IL6ST: variants seen among roughly 807,000 people sequenced by gnomAD.
IL6ST encodes interleukin-6 receptor subunit beta.
In IL6ST, 24 loss-of-function variants were observed where a neutral mutation model predicts 91.3. The ratio of observed to expected loss-of-function variants is 0.26; its 90% CI spans 0.19 to 0.37. The LOEUF (loss-of-function observed/expected upper bound fraction) is 0.37, where lower values mean the gene tolerates loss of function less well. Ranked by LOEUF, IL6ST falls within the 10% of genes least tolerant of loss-of-function variation. The pLI, the probability that IL6ST is intolerant of heterozygous loss-of-function variation, is 1.00. For missense variants in IL6ST, 914 were observed against 1,078.5 expected, an observed-to-expected ratio of 0.85 and a Z score of 2.14; for synonymous variants, 351 against 373.6, an observed-to-expected ratio of 0.94 and a Z score of 0.70.
chr5:55,969,969 A>C, intron 3 of IL6ST, 114 bp from the exon 4 acceptor site: 1 of 621,668 alleles, frequency 1.6e-6, no homozygotes, highest in Non-Finnish European at 2.8e-6. Flanking sequence ...AATATCCCTA[A>C]AGACACAGAA....
At position 55,956,233 on chromosome 5, in the gene IL6ST, T is replaced by C. The variant is rs980840670; in HGVS notation, c.1059A>G (p.Thr353=). Residue 353 remains threonine, a splice_region_variant and synonymous_variant, in exon 10 of 17, where the codon ACA becomes ACG. Transcript: ENST00000381298. ...TTCCATTGGCTTCAAAAGGAGGCAATGTCTGTAATAAAATAGTTTATTTTT... is the reference window on the plus strand; with the variant it reads ...TTCCATTGGCTTCAAAAGGAGGCAACGTCTGTAATAAAATAGTTTATTTTT... ...GYRTVQLVWK[T]LPPFEANGKI... 5 of 1,548,964 alleles carry C rather than the reference T, an allele frequency of 3.2e-6. No individual in the cohort carries two copies. Among genetic ancestry groups the C allele is most frequent in the Admixed American group, 3.4e-5 (2 of 59,696 alleles).
chr5:55,955,945 G>C, intron 10 of IL6ST, 80 bp downstream of exon 10: 1 of 829,714 alleles, frequency 1.2e-6, no homozygotes, highest in East Asian at 2.4e-5. Flanking sequence ...TAGATAACTT[G>C]TGTTTTTTAT....
intron 1 of IL6ST, among the ~76,000 whole-genome samples, chr5:55,986,127 G>A (rs988440405): frequency 3.3e-5 from 5 of 152,172 alleles, no homozygotes; most frequent in Admixed American, 6.5e-5. Context: ...TGGTCATTAC[G>A]TGAATTTGGT....
chr5:55,964,318 T>C lies in IL6ST; in HGVS notation c.492-6A>G, dbSNP rs765082030. 6.3e-6 allele frequency: 10 copies of C among 1,593,584 alleles called. No homozygotes were observed. In the South Asian group the frequency reaches 1.1e-4, roughly 18 times the overall value. On this transcript the variant is annotated splice_polypyrimidine_tract_variant and splice_region_variant and intron_variant, in intron 5 of 16. Coordinates refer to ENST00000381298, the MANE Select transcript of IL6ST (RefSeq NM_002184.4). ...CAGCAAACTTGTGTGTTGCCCTAAA[T>C]ACAAAAAATTGAAGAATCAGTCATT...
rs1225595410 is a variant in IL6ST, at chr5:55,938,255, A to G, written c.*2827T>C. Reference sequence around the variant, plus strand: ...AATTAGGTAGAGAAGAGGTATGAACACAGAACATGTGAATGAAATTTGCTT... The same window carrying G: ...AATTAGGTAGAGAAGAGGTATGAACGCAGAACATGTGAATGAAATTTGCTT... On this transcript the variant is annotated 3_prime_UTR_variant, in exon 17 of 17. Transcript: ENST00000381298. 5.2e-6 allele frequency: 1 copy of G among 193,302 alleles called. No homozygotes were observed. The highest frequency in any genetic ancestry group is 8.1e-5 in the East Asian group (1 of 12,294). 12.0% of individuals were successfully genotyped at this position (193,302 alleles called of 1,614,324 possible). A position where few individuals can be genotyped will look rare whatever the true frequency, so the allele number is the denominator to read the frequency against.
At chr5:55,994,725 T>C (rs1238804592) in intron 1 of IL6ST, 59 bp downstream of exon 1, 2 of 152,260 alleles carry the variant, frequency 1.3e-5, no homozygotes, top group African/African-American at 4.8e-5. Context: ...AGATAGCCCG[T>C]CCGAAACCAC....
rs1750855178 is a variant in IL6ST at position 55,940,803 on chromosome 5, AG to A, written c.*278del. ...CAAAACAAAAAGTTTTATAAATTTC[AG>A]ATAAGCTTTCTGTTTTTCTTCAGTG... On this transcript the variant is annotated 3_prime_UTR_variant, in exon 17 of 17. Transcript: ENST00000381298. The A allele has an allele frequency of 5.4e-6, 2 of 370,282 alleles. No individual in the cohort carries two copies. The highest frequency in any genetic ancestry group is 4.1e-5 in the African/African-American group (2 of 48,430). The allele number at this position is 370,282 out of a possible 1,614,324, so 22.9% of individuals were successfully genotyped here. A position where few individuals can be genotyped will look rare whatever the true frequency, so the allele number is the denominator to read the frequency against.
intron 15 of IL6ST, among the ~76,000 whole-genome samples, chr5:55,945,169 T>C (rs1484647581): frequency 1.3e-5 from 2 of 151,970 alleles, no homozygotes; most frequent in East Asian, 3.9e-4. Flanking sequence ...AAAATGTATA[T>C]GAAAAGGCAA....
At position 55,936,283 on chromosome 5, in the gene IL6ST, C is replaced by G. The variant is rs997728268; in HGVS notation, c.*4799G>C. The G allele has an allele frequency of 3.2e-5, 7 of 221,262 alleles. No homozygotes were observed. The highest frequency in any genetic ancestry group is 6.3e-5 in the Non-Finnish European group (7 of 111,572). 13.7% of individuals were successfully genotyped at this position (221,262 alleles called of 1,614,324 possible). ...ACTCCAGCAGAGTGCAGGGTGGGCACAGACAGGCCACAAGATGGCGCAGCA... is the reference window on the plus strand; with the variant it reads ...ACTCCAGCAGAGTGCAGGGTGGGCAGAGACAGGCCACAAGATGGCGCAGCA... On this transcript the variant is annotated 3_prime_UTR_variant, in exon 17 of 17. Coordinates refer to ENST00000381298, the MANE Select transcript of IL6ST (RefSeq NM_002184.4).
chr5:55,958,136 T>G (rs192438593), intron 8 of IL6ST, among the ~76,000 whole-genome samples: 3 of 152,292 alleles, frequency 2.0e-5, no homozygotes, highest in Admixed American at 6.5e-5. Flanking sequence ...AGACAGTGTC[T>G]CGCTCTGTTG....
Position 55,952,400 on chromosome 5 carries a change from CAAGTT to C in IL6ST, c.1451-54_1451-50del, listed in dbSNP as rs765361427. 14 of 989,384 alleles carry C rather than the reference CAAGTT, an allele frequency of 1.4e-5. No homozygotes were observed. The South Asian group carries it at 2.2e-4, about 15-fold the overall frequency. 61.3% of individuals were successfully genotyped at this position (989,384 alleles called of 1,614,324 possible). On this transcript the variant is annotated intron_variant, in intron 11 of 16. Transcript: ENST00000381298. ...GCATGTTTTTCCATAATGAAAAAGTCAAGTTAATACCGTAATTTATTTTTACATTA... is the reference window on the plus strand; with the variant it reads ...GCATGTTTTTCCATAATGAAAAAGTCAATACCGTAATTTATTTTTACATTA...
chr5:55,967,421 A>G (rs1407785938), intron 5 of IL6ST, among the ~76,000 whole-genome samples: 2 of 151,736 alleles, frequency 1.3e-5, no homozygotes, highest in East Asian at 3.9e-4. Flanking sequence ...AACAAATAGA[A>G]CCTATAATTT....
chr5:55,942,464 A>C (rs1020276031), intron 16 of IL6ST, among the ~76,000 whole-genome samples: 3 of 151,920 alleles, frequency 2.0e-5, no homozygotes, highest in African/African-American at 7.3e-5. Flanking sequence ...TGGTGATAAA[A>C]CCCCTAAAAT....
In IL6ST at chr5:55,936,889, G is replaced by C. The variant is rs1448316636; in HGVS notation, c.*4193C>G. The C allele has an allele frequency of 5.0e-6, 1 of 198,674 alleles. No individual in the cohort carries two copies. Among genetic ancestry groups the C allele is most frequent in the African/African-American group, 2.3e-5 (1 of 43,570 alleles). 12.3% of individuals were successfully genotyped at this position (198,674 alleles called of 1,614,324 possible). ...ATGAAAGGATTGCACTTAGAAGAAAGTGGGACATAGCTAGGATATAAAAGA... is the reference window on the plus strand; with the variant it reads ...ATGAAAGGATTGCACTTAGAAGAAACTGGGACATAGCTAGGATATAAAAGA... On this transcript the variant is annotated 3_prime_UTR_variant, in exon 17 of 17. Transcript: ENST00000381298.
At chr5:55,952,395 AAAGTC>A (rs1288768650) in intron 11 of IL6ST, 44 bp from the exon 12 acceptor site, 2 of 1,147,866 alleles carry the variant, frequency 1.7e-6, no homozygotes, top group Non-Finnish European at 2.6e-6. Context: ...CCATAATGAA[AAAGTC>A]AAGTTAATAC....
At chr5:55,993,820 C>T (rs1211666404) in intron 1 of IL6ST, among the ~76,000 whole-genome samples, 2 of 152,062 alleles carry the variant, frequency 1.3e-5, no homozygotes, top group African/African-American at 4.8e-5. Context: ...AACATAATGG[C>T]ACACAGCTAA....
In IL6ST at chr5:55,938,376, T is replaced by C. The variant is rs1750668425; in HGVS notation, c.*2706A>G. On this transcript the variant is annotated 3_prime_UTR_variant, in exon 17 of 17. Transcript: ENST00000381298. ...TTTAATGGTACAAAGTGTGAAGTTT[T>C]ATAGTTTTCTAATAATTATTCAGTA... 1 of 190,532 alleles carries C rather than the reference T, an allele frequency of 5.2e-6. No individual in the cohort carries two copies. The highest frequency in any genetic ancestry group is 2.3e-5 in the African/African-American group (1 of 42,960). 11.8% of individuals were successfully genotyped at this position (190,532 alleles called of 1,614,324 possible). A position where few individuals can be genotyped will look rare whatever the true frequency, so the allele number is the denominator to read the frequency against.
At position 55,941,119 on chromosome 5, in the gene IL6ST, G is replaced by T; in HGVS notation, c.2720C>A (p.Pro907Gln). The T allele has an allele frequency of 6.2e-7, 1 of 1,613,918 alleles. No individual in the cohort carries two copies. The highest frequency in any genetic ancestry group is 1.1e-5 in the South Asian group (1 of 91,046). Residue 907 changes from proline (P) to glutamine (Q), a missense_variant, in exon 17 of 17, where the codon CCA (proline) becomes CAA (glutamine). Physicochemically the swap from Pro to Gln is moderately conservative, Grantham distance 76. Transcript: ENST00000381298. ...TDEGMPKSYL[P>Q]QTVRQGGYMP... ...GTAGCCGCCTTGCCGTACAGTCTGT[G>T]GTAAGTAACTTTTAGGCATGCCTTC...
chr5:55,992,445 C>T (rs1754388281), intron 1 of IL6ST, among the ~76,000 whole-genome samples: 1 of 152,162 alleles, frequency 6.6e-6, no homozygotes, highest in South Asian at 2.1e-4. Context: ...CTTCTTGTGC[C>T]TGGGTTTCCC....
Sources: gnomAD v4.1 joint callset for allele counts (sites outside exome capture counted in the v4.1 genomes callset) on GRCh38, gnomAD v4.1.1 for gene constraint, MANE v1.5 for transcripts, NCBI Gene and HGNC (gene_info 2026-07-23, HGNC 2026-07-21) for gene names.